Variants in LHFPL6 observed in about 807,000 individuals in gnomAD.
LHFPL6 encodes LHFPL tetraspan subfamily member 6 protein.
In LHFPL6, 9 loss-of-function variants were observed where a neutral mutation model predicts 20.6. The ratio of observed to expected loss-of-function variants is 0.44; its 90% confidence interval spans 0.26 to 0.76. The LOEUF (loss-of-function observed/expected upper bound fraction) is 0.76. Ranked by LOEUF, LHFPL6 falls within the 30% of genes least tolerant of loss-of-function variation. The pLI, the probability that LHFPL6 is intolerant of heterozygous loss-of-function variation, is 0.20. For missense variants in LHFPL6, 218 were observed against 253.5 expected (o/e 0.86, Z 0.95); for synonymous variants, 105 against 98.7 (o/e 1.06, Z -0.38).
intron 2 of LHFPL6, among the ~76,000 whole-genome samples, chr13:39,415,297 T>C (rs1231262061): frequency 2.6e-5 from 4 of 152,180 alleles, no homozygotes; most frequent in Non-Finnish European, 1.5e-5. Flanking sequence ...GTTGGATTTC[T>C]GAAAAGCTTG....
chr13:39,550,338 T>G (rs1309292898), intron 2 of LHFPL6, among the ~76,000 whole-genome samples: 5 of 152,042 alleles, frequency 3.3e-5, no homozygotes, highest in Non-Finnish European at 5.9e-5. Flanking sequence ...TGGTGGGGGT[T>G]ACACATTTGT....
At chr13:39,415,413 AC>A (rs1271552909) in intron 2 of LHFPL6, among the ~76,000 whole-genome samples, 4 of 152,206 alleles carry the variant, frequency 2.6e-5, no homozygotes, top group Non-Finnish European at 5.9e-5. Flanking sequence ...GTGTATGCAT[AC>A]GCACATGTGG....
chr13:39,540,113 G>T (rs1870750445), intron 2 of LHFPL6, among the ~76,000 whole-genome samples: 2 of 152,080 alleles, frequency 1.3e-5, no homozygotes, highest in East Asian at 1.9e-4. Flanking sequence ...AAATTCTTTG[G>T]AACTGAAGGG....
At chr13:39,566,552 G>A (rs1009869349) in intron 2 of LHFPL6, among the ~76,000 whole-genome samples, 1 of 151,590 alleles carries the variant, frequency 6.6e-6, no homozygotes, top group Non-Finnish European at 1.5e-5. Context: ...ACGAGCCTAG[G>A]CAACACAGGG....
chr13:39,343,059 ATATCT>A lies in LHFPL6; in HGVS notation c.*872_*876del, dbSNP rs1869289671. On this transcript the variant is annotated 3_prime_UTR_variant, in exon 4 of 4. Transcript: ENST00000379589. Reference sequence around the variant, plus strand: ...CTGGAAAATGTCTCTCATTACTCTCATATCTTCGGCTGAATTCTCTCCTATAGTGG... The same window carrying A: ...CTGGAAAATGTCTCTCATTACTCTCATCGGCTGAATTCTCTCCTATAGTGG... The A allele has an allele frequency of 5.0e-6, 1 of 199,322 alleles. No homozygotes were observed. The highest frequency in any genetic ancestry group is 2.3e-5 in the African/African-American group (1 of 43,540). 12.3% of individuals were successfully genotyped at this position (199,322 alleles called of 1,614,324 possible).
intron 3 of LHFPL6, among the ~76,000 whole-genome samples, chr13:39,369,107 GAA>G (rs760829098): frequency 6.8e-5 from 8 of 117,672 alleles, no homozygotes; most frequent in African/African-American, 1.0e-4. Context: ...GGACAACACT[GAA>G]AAAAAAAAAA....
At chr13:39,589,370 G>C (rs1361278689) in intron 2 of LHFPL6, among the ~76,000 whole-genome samples, 4 of 152,128 alleles carry the variant, frequency 2.6e-5, no homozygotes, top group African/African-American at 9.7e-5. Flanking sequence ...CTCCCAAAGT[G>C]CTGGGATTAA....
intron 2 of LHFPL6, among the ~76,000 whole-genome samples, chr13:39,562,409 C>CACATACATATATATACATATATACAT (rs1871522466): frequency 9.8e-6 from 1 of 101,814 alleles, no homozygotes; most frequent in Admixed American, 1.0e-4. Flanking sequence ...CATATATACA[C>CACATACATATATATACATATATACAT]ATATACACAT....
intron 3 of LHFPL6, among the ~76,000 whole-genome samples, chr13:39,361,515 A>C (rs1184363): frequency 1.3e-5 from 2 of 151,836 alleles, no homozygotes; most frequent in East Asian, 3.9e-4. Context: ...ATGGGGTTTC[A>C]CCATGTTGGC....
At chr13:39,352,837 G>GTA (rs1454751027) in intron 3 of LHFPL6, among the ~76,000 whole-genome samples, 1 of 116,940 alleles carries the variant, frequency 8.6e-6, no homozygotes, top group African/African-American at 3.4e-5. Context: ...ATATATATGT[G>GTA]TATATATATA....
chr13:39,485,715 T>G (rs546468318), intron 2 of LHFPL6, among the ~76,000 whole-genome samples: 40 of 152,150 alleles, frequency 2.6e-4, no homozygotes, highest in African/African-American at 9.4e-4. Context: ...GAAATCAGGG[T>G]GGAACTAAAG....
intron 1 of LHFPL6, among the ~76,000 whole-genome samples, chr13:39,602,208 G>T (rs1872974338): frequency 1.3e-5 from 2 of 152,088 alleles, no homozygotes; most frequent in African/African-American, 4.8e-5. Flanking sequence ...TTCAAAAAGA[G>T]TTCCTTAACC....
intron 2 of LHFPL6, among the ~76,000 whole-genome samples, chr13:39,432,443 T>C (rs1188035612): frequency 6.6e-6 from 1 of 152,140 alleles, no homozygotes; most frequent in African/African-American, 2.4e-5. Context: ...TCAATGCCTC[T>C]GCATGGGCTC....
At chr13:39,587,783 T>C (rs1310490782) in intron 2 of LHFPL6, among the ~76,000 whole-genome samples, 1 of 151,932 alleles carries the variant, frequency 6.6e-6, no homozygotes, top group African/African-American at 2.4e-5. Flanking sequence ...ATAGGAGTGA[T>C]ATTGACAGAA....
rs1402264258 is a variant in LHFPL6 at position 39,361,270 on chromosome 13, CT to C, written c.484+17157del. Among the ~76,000 whole-genome samples the C allele has an allele frequency of 6.3e-5, 6 of 95,546 alleles. 2 individuals carry two copies. The highest frequency in any genetic ancestry group is 1.2e-4 in the African/African-American group (4 of 32,938). 62.7% of individuals were successfully genotyped at this position (95,546 alleles called of 152,430 possible). A position where few individuals can be genotyped will look rare whatever the true frequency, so the allele number is the denominator to read the frequency against. ...AGAATGAAGTTAGTGAAGAAAGCAACTTTTTTTCTTTCAAATTTTGAGCCTC... is the reference window on the plus strand; with the variant it reads ...AGAATGAAGTTAGTGAAGAAAGCAACTTTTTTCTTTCAAATTTTGAGCCTC... On this transcript the variant is annotated intron_variant, in intron 3 of 3. Coordinates refer to ENST00000379589, the MANE Select transcript of LHFPL6 (RefSeq NM_005780.3).
intron 2 of LHFPL6, among the ~76,000 whole-genome samples, chr13:39,424,862 A>C (rs555010205): frequency 6.6e-6 from 1 of 152,304 alleles, no homozygotes; most frequent in African/African-American, 2.4e-5. Flanking sequence ...TTGAGTACTA[A>C]AGTTACAGTT....
intron 3 of LHFPL6, among the ~76,000 whole-genome samples, chr13:39,359,697 G>A (rs1869827712): frequency 6.6e-6 from 1 of 151,792 alleles, no homozygotes; most frequent in African/African-American, 2.4e-5. Context: ...TTCGGTGACG[G>A]ATTCAATCAT....
At chr13:39,420,965 C>G (rs376324342) in intron 2 of LHFPL6, among the ~76,000 whole-genome samples, 32 of 151,950 alleles carry the variant, frequency 2.1e-4, no homozygotes, top group South Asian at 4.2e-4. Flanking sequence ...TGTGTTTTTC[C>G]CCCCCCTCAA....
intron 2 of LHFPL6, among the ~76,000 whole-genome samples, chr13:39,490,472 A>G (rs369633756): frequency 1.3e-5 from 2 of 152,224 alleles, no homozygotes; most frequent in Non-Finnish European, 2.9e-5. Context: ...TCTCAGGTAC[A>G]GCAGTCTCTG....
Sources: gnomAD v4.1 joint callset for allele counts (sites outside exome capture counted in the v4.1 genomes callset) on GRCh38, gnomAD v4.1.1 for gene constraint, MANE v1.5 for transcripts, NCBI Gene and HGNC (gene_info 2026-07-23, HGNC 2026-07-21) for gene names.